Variants in CCDC169 observed in about 807,000 individuals in gnomAD.
CCDC169 encodes coiled-coil domain-containing protein 169.
In CCDC169, 30 loss-of-function variants were observed where a neutral mutation model predicts 36.0. That is an observed-to-expected ratio of 0.83 (90% CI 0.62 to 1.13). The LOEUF (loss-of-function observed/expected upper bound fraction) is 1.13. Among genes scored for constraint, CCDC169 ranks in the 50% most tolerant of loss-of-function variants. CCDC169 has a pLI of 0.00. For missense variants in CCDC169, 245 were observed against 245.9 expected (o/e 1.00, Z 0.03); for synonymous variants, 85 against 81.5 (o/e 1.04, Z -0.23).
chr13:36,283,938 C>T (rs1047259409), intron 2 of CCDC169, among the ~76,000 whole-genome samples: 1 of 152,156 alleles, frequency 6.6e-6, no homozygotes, highest in African/African-American at 2.4e-5. Context: ...ACAACTACTG[C>T]AATTCCTCTT....
At chr13:36,273,753 T>C (rs1876411407) in intron 4 of CCDC169, among the ~76,000 whole-genome samples, 2 of 152,212 alleles carry the variant, frequency 1.3e-5, no homozygotes, top group South Asian at 4.1e-4. Context: ...AATGTACTAA[T>C]TTCTAAAGCT....
intron 4 of CCDC169, among the ~76,000 whole-genome samples, chr13:36,259,179 A>G (rs1874303151): frequency 6.6e-6 from 1 of 152,154 alleles, no homozygotes; most frequent in African/African-American, 2.4e-5. Context: ...GAGGGCCGAG[A>G]GCAGGATGGC....
chr13:36,244,885 G>A (rs1872311441), intron 7 of CCDC169, among the ~76,000 whole-genome samples: 1 of 139,096 alleles, frequency 7.2e-6, no homozygotes, highest in South Asian at 2.3e-4. Context: ...TTTTTCCAGG[G>A]AAGTCCTTTG....
chr13:36,272,028 T>C (rs1167914025), intron 4 of CCDC169, among the ~76,000 whole-genome samples: 1 of 149,334 alleles, frequency 6.7e-6, no homozygotes, highest in African/African-American at 2.5e-5. Flanking sequence ...GAGGTTGCAG[T>C]GAGCCGAGAT....
At chr13:36,266,894 C>A (rs1875388660) in intron 4 of CCDC169, among the ~76,000 whole-genome samples, 1 of 152,192 alleles carries the variant, frequency 6.6e-6, no homozygotes, top group Admixed American at 6.5e-5. Flanking sequence ...TACAAATTAC[C>A]TCCTATTTTC....
At chr13:36,257,093 C>A (rs977306069) in intron 4 of CCDC169, among the ~76,000 whole-genome samples, 6 of 149,816 alleles carry the variant, frequency 4.0e-5, no homozygotes, top group African/African-American at 1.5e-4. Context: ...ACCAGGTAGA[C>A]CACCTATTGA....
At chr13:36,281,305 C>T (rs777635918) in intron 4 of CCDC169, 4 of 445,920 alleles carry the variant, frequency 9.0e-6, no homozygotes, top group South Asian at 3.2e-5. Flanking sequence ...AAAAACTTTA[C>T]TTGTTTAAAC....
chr13:36,282,654 A>G (rs760081129), intron 4 of CCDC169: 70 of 459,958 alleles, frequency 1.5e-4, no homozygotes, highest in Non-Finnish European at 1.9e-4. Context: ...GAGAAATATA[A>G]TTCTCTGTCT....
chr13:36,290,200 T>C (rs1878699431), intron 2 of CCDC169, among the ~76,000 whole-genome samples: 1 of 152,184 alleles, frequency 6.6e-6, no homozygotes, highest in South Asian at 2.1e-4. Context: ...ATGACAATCA[T>C]AGTAAACTAC....
chr13:36,254,028 A>G lies in CCDC169; in HGVS notation c.414+17T>C, dbSNP rs377408974. 228 of 1,541,706 alleles carry G rather than the reference A, an allele frequency of 1.5e-4. No homozygotes were observed. The highest frequency in any genetic ancestry group is 6.7e-4 in the Middle Eastern group (4 of 5,978). ...GGCAGTTTCAAAGGAATTGCTAAGTATAGAGTAAAAACAAACCTTTGATTC... is the reference window on the plus strand; with the variant it reads ...GGCAGTTTCAAAGGAATTGCTAAGTGTAGAGTAAAAACAAACCTTTGATTC... On this transcript the variant is annotated intron_variant, in intron 5 of 7. Transcript: ENST00000239859.
intron 6 of CCDC169, among the ~76,000 whole-genome samples, chr13:36,252,868 T>C (rs1255766965): frequency 6.6e-6 from 1 of 152,176 alleles, no homozygotes; most frequent in African/African-American, 2.4e-5. Flanking sequence ...TATGCCAAAA[T>C]AAGATTAATA....
At chr13:36,297,582 G>T in intron 1 of CCDC169, 55 bp downstream of exon 1, 1 of 1,514,824 alleles carries the variant, frequency 6.6e-7, no homozygotes, top group Non-Finnish European at 8.9e-7. Flanking sequence ...GACTCTGCAG[G>T]TGAAGGCTCG....
chr13:36,229,720 T>C (rs1870214998), downstream of CCDC169, among the ~76,000 whole-genome samples: 1 of 151,920 alleles, frequency 6.6e-6, no homozygotes, highest in Non-Finnish European at 1.5e-5. Context: ...TTTTTTGTAT[T>C]TTTAGTAGAG....
chr13:36,263,394 A>G (rs1266559611), intron 4 of CCDC169, among the ~76,000 whole-genome samples: 2 of 152,206 alleles, frequency 1.3e-5, no homozygotes, highest in Non-Finnish European at 2.9e-5. Context: ...AGAATCATTC[A>G]AAGAAAAATG....
At chr13:36,250,123 A>T (rs990517639) in intron 6 of CCDC169, among the ~76,000 whole-genome samples, 1 of 152,222 alleles carries the variant, frequency 6.6e-6, no homozygotes, top group Non-Finnish European at 1.5e-5. Flanking sequence ...CTTTGCAAGC[A>T]TACAGGAGAT....
chr13:36,290,725 G>A (rs1878776868), intron 2 of CCDC169, among the ~76,000 whole-genome samples: 1 of 152,062 alleles, frequency 6.6e-6, no homozygotes, highest in South Asian at 2.1e-4. Context: ...TATTTTTTGA[G>A]TTTTGGTTTT....
intron 7 of CCDC169, among the ~76,000 whole-genome samples, chr13:36,241,988 C>T (rs1313468764): frequency 6.6e-6 from 1 of 152,094 alleles, no homozygotes; most frequent in African/African-American, 2.4e-5. Context: ...TCCCCATTCA[C>T]TCTCTCTTCT....
chr13:36,267,802 A>C (rs967775568), intron 4 of CCDC169, among the ~76,000 whole-genome samples: 1 of 152,210 alleles, frequency 6.6e-6, no homozygotes, highest in Non-Finnish European at 1.5e-5. Context: ...AGTAGTAGCT[A>C]TTCTTATATC....
chr13:36,295,519 T>A (rs1311378569), intron 2 of CCDC169, among the ~76,000 whole-genome samples: 1 of 152,206 alleles, frequency 6.6e-6, no homozygotes, highest in Non-Finnish European at 1.5e-5. Context: ...AATATATTGA[T>A]GTCATGTAAC....
Sources: gnomAD v4.1 joint callset for allele counts (sites outside exome capture counted in the v4.1 genomes callset) on GRCh38, gnomAD v4.1.1 for gene constraint, MANE v1.5 for transcripts, NCBI Gene and HGNC (gene_info 2026-07-23, HGNC 2026-07-21) for gene names.